SND1: variants seen among roughly 807,000 people sequenced by gnomAD.
The protein encoded by SND1 is staphylococcal nuclease and tudor domain containing 1.
In SND1, 38 loss-of-function variants were observed where a neutral mutation model predicts 121.7. The ratio of observed to expected loss-of-function variants is 0.31; its 90% CI spans 0.24 to 0.41. The LOEUF is 0.41. Among genes scored for constraint, SND1 ranks in the 10% least tolerant of loss-of-function variants. The probability of loss-of-function intolerance (pLI) is 1.00; values close to 1 mark genes in which losing one functional copy is unlikely to be tolerated. For missense variants in SND1, 868 were observed against 1,184.6 expected (o/e 0.73, Z 3.92); for synonymous variants, 401 against 447.4 (o/e 0.90, Z 1.31).
intron 16 of SND1, among the ~76,000 whole-genome samples, chr7:128,073,605 A>G (rs923797879): frequency 6.6e-6 from 1 of 152,184 alleles, no homozygotes; most frequent in East Asian, 1.9e-4. Context: ...TTATTGCTTA[A>G]TCGAGCTTGA....
At chr7:127,714,039 C>G (rs1298369685) in intron 9 of SND1, among the ~76,000 whole-genome samples, 1 of 151,936 alleles carries the variant, frequency 6.6e-6, no homozygotes, top group Non-Finnish European at 1.5e-5. Flanking sequence ...GCTGCTGGAT[C>G]CTTGGGCATT....
intron 12 of SND1, among the ~76,000 whole-genome samples, chr7:127,850,623 G>T (rs1799148376): frequency 6.6e-6 from 1 of 152,136 alleles, no homozygotes; most frequent in African/African-American, 2.4e-5. Context: ...TAGAATGAGG[G>T]TTGTTGTTTT....
Position 127,766,933 on chromosome 7 carries a change from C to T in SND1, c.1153-40551C>T, listed in dbSNP as rs146041510. On this transcript the variant is annotated intron_variant, in intron 10 of 23. Coordinates refer to ENST00000354725, the MANE Select transcript of SND1 (RefSeq NM_014390.4). ...GAGTTCCTCCAGGCTCTGGTGCCTGCGTTTTGTGGTTTGTAAAGTGCTGTG... is the reference window on the plus strand; with the variant it reads ...GAGTTCCTCCAGGCTCTGGTGCCTGTGTTTTGTGGTTTGTAAAGTGCTGTG... 2.5e-3 allele frequency among the ~76,000 whole-genome samples: 378 copies of T among 151,944 alleles called. 2 individuals carry two copies. The highest frequency in any genetic ancestry group is 4.8e-3 in the South Asian group (23 of 4,808).
At chr7:127,957,481 C>T (rs1801621442) in intron 15 of SND1, among the ~76,000 whole-genome samples, 1 of 152,184 alleles carries the variant, frequency 6.6e-6, no homozygotes, top group East Asian at 1.9e-4. Context: ...AATATGACCT[C>T]CTGAGTTTCA....
chr7:127,686,541 G>A (rs967250664), intron 1 of SND1, 72 bp from the exon 2 acceptor site: 51 of 1,494,722 alleles, frequency 3.4e-5, no homozygotes, highest in Non-Finnish European at 3.9e-5. Flanking sequence ...TTGGGGATAC[G>A]GTGGTACACA....
At chr7:128,055,991 A>G (rs544568216) in intron 16 of SND1, among the ~76,000 whole-genome samples, 5 of 152,302 alleles carry the variant, frequency 3.3e-5, no homozygotes, top group African/African-American at 1.2e-4. Flanking sequence ...TAGCCTCTCC[A>G]TTGATCAAAT....
At chr7:127,883,035 A>G (rs1255468665) in intron 12 of SND1, among the ~76,000 whole-genome samples, 1 of 152,154 alleles carries the variant, frequency 6.6e-6, no homozygotes, top group Non-Finnish European at 1.5e-5. Context: ...AGAGATGTTT[A>G]GGGTTCTACT....
At chr7:127,678,556 G>GAA (rs5887351) in intron 1 of SND1, among the ~76,000 whole-genome samples, 23 of 151,618 alleles carry the variant, frequency 1.5e-4, no homozygotes, top group Admixed American at 1.1e-3. Flanking sequence ...TTCTTGCCAG[G>GAA]AAAAAAACCA....
At chr7:127,669,733 T>TC (rs1795481944) in intron 1 of SND1, among the ~76,000 whole-genome samples, 1 of 152,198 alleles carries the variant, frequency 6.6e-6, no homozygotes, top group East Asian at 1.9e-4. Flanking sequence ...TCCTGTCCCC[T>TC]CCATGTACTG....
intron 16 of SND1, among the ~76,000 whole-genome samples, chr7:127,996,209 C>T (rs1802653327): frequency 6.6e-6 from 1 of 151,608 alleles, no homozygotes; most frequent in Admixed American, 6.6e-5. Context: ...AAAGTATTTA[C>T]GTTTCAGGGG....
intron 13 of SND1, among the ~76,000 whole-genome samples, chr7:127,896,000 A>C (rs1162824301): frequency 6.6e-6 from 1 of 152,012 alleles, no homozygotes; most frequent in Non-Finnish European, 1.5e-5. Flanking sequence ...TGTCTTGACT[A>C]GCAAGCCGTG....
chr7:127,768,799 C>A (rs150262503), intron 10 of SND1, among the ~76,000 whole-genome samples: 80 of 152,160 alleles, frequency 5.3e-4, no homozygotes, highest in African/African-American at 1.8e-3. Context: ...CTTGAAAATC[C>A]ATTTAGTGTC....
At chr7:127,665,377 T>C (rs113165934) in intron 1 of SND1, among the ~76,000 whole-genome samples, 17,475 of 151,864 alleles carry the variant, frequency 0.12, 1,213 homozygotes, top group Admixed American at 0.22. Context: ...TTAGTAGAGA[T>C]GGGGTTTCAC....
intron 12 of SND1, among the ~76,000 whole-genome samples, chr7:127,849,777 T>C (rs1799131424): frequency 6.6e-6 from 1 of 152,242 alleles, no homozygotes; most frequent in African/African-American, 2.4e-5. Context: ...TTTCTCATAT[T>C]TTCCTTCTGT....
At chr7:127,742,692 G>A (rs1796904930) in intron 10 of SND1, among the ~76,000 whole-genome samples, 1 of 152,122 alleles carries the variant, frequency 6.6e-6, no homozygotes, top group South Asian at 2.1e-4. Context: ...TTTTCTAAAA[G>A]TTTAGTTCAT....
chr7:127,745,156 A>G (rs1796957582), intron 10 of SND1, among the ~76,000 whole-genome samples: 1 of 152,164 alleles, frequency 6.6e-6, no homozygotes, highest in Non-Finnish European at 1.5e-5. Flanking sequence ...GGTGATTTTG[A>G]CGCACAAGTG....
intron 1 of SND1, among the ~76,000 whole-genome samples, chr7:127,655,327 G>A (rs1795192316): frequency 6.6e-6 from 1 of 152,230 alleles, no homozygotes; most frequent in South Asian, 2.1e-4. Context: ...TGGGAATCCA[G>A]TTGTAAAACA....
At chr7:127,926,729 G>T (rs1800848375) in intron 14 of SND1, among the ~76,000 whole-genome samples, 1 of 144,988 alleles carries the variant, frequency 6.9e-6, no homozygotes, top group African/African-American at 2.7e-5. Context: ...TTTTGTTGTT[G>T]TTGTTGTTGT....
chr7:127,811,954 C>T (rs1366176553), intron 11 of SND1, among the ~76,000 whole-genome samples: 1 of 152,040 alleles, frequency 6.6e-6, no homozygotes, highest in African/African-American at 2.4e-5. Flanking sequence ...AGGGTTAGGA[C>T]TGCTGTTTAT....
Sources: gnomAD v4.1 joint callset for allele counts (sites outside exome capture counted in the v4.1 genomes callset) on GRCh38, gnomAD v4.1.1 for gene constraint, MANE v1.5 for transcripts, NCBI Gene and HGNC (gene_info 2026-07-23, HGNC 2026-07-21) for gene names.